The following SIVA1 variants were observed in gnomAD, a reference collection of about 807,000 sequenced individuals.
SIVA1 encodes apoptosis regulatory protein Siva.
A neutral mutation model predicts 19.7 loss-of-function variants in SIVA1; 10 were observed. That is an observed-to-expected ratio of 0.51 (90% CI 0.31 to 0.86). The LOEUF is 0.86. Ranked by LOEUF, SIVA1 falls within the 40% of genes least tolerant of loss-of-function variation. The probability of loss-of-function intolerance (pLI) is 0.04; values close to 1 mark genes in which losing one functional copy is unlikely to be tolerated. For missense variants in SIVA1, 241 were observed against 245.2 expected (o/e 0.98, Z 0.11); for synonymous variants, 130 against 106.1 (o/e 1.23, Z -1.39).
At position 104,753,283 on chromosome 14, in the gene SIVA1, G is replaced by A; in HGVS notation, c.82G>A (p.Gly28Ser). The change falls in exon 1 of 4, where the codon GGC (glycine) becomes AGC (serine). Residue 28 changes from glycine to serine, a missense_variant. Physicochemically the swap from Gly to Ser is moderately conservative, Grantham distance 56. Transcript: ENST00000329967. Reference sequence around the variant, plus strand: ...CGTGAGCCAGAGGGAGTTGAGCCGCGGCGTGTGCGCCGAGCGCTACTCGCA... The same window carrying A: ...CGTGAGCCAGAGGGAGTTGAGCCGCAGCGTGTGCGCCGAGCGCTACTCGCA... ...VRVSQRELSR[G>S]VCAERYSQEV... The A allele has an allele frequency of 2.5e-6, 4 of 1,601,362 alleles. No individual in the cohort carries two copies. The highest frequency in any genetic ancestry group is 1.7e-5 in the Admixed American group (1 of 59,132).
intron 1 of SIVA1, among the ~76,000 whole-genome samples, chr14:104,755,028 A>G (rs905652115): frequency 6.6e-6 from 1 of 152,164 alleles, no homozygotes; most frequent in Non-Finnish European, 1.5e-5. Flanking sequence ...ATGGAAAACC[A>G]CTGCTCCCAG....
rs1892009934 is a variant in SIVA1 at position 104,759,378 on chromosome 14, A to G, written c.471-50A>G. ...TGAATGGTGGGGGGTGGTGGACACA[A>G]TTCAGCCCCTGACAGCAGCTTTTCT... On this transcript the variant is annotated intron_variant, in intron 3 of 3. Coordinates refer to ENST00000329967, the MANE Select transcript of SIVA1 (RefSeq NM_006427.4). This position sits in a 1 kb window ranked among gnomAD's most constrained non-coding sequence, Gnocchi z 4.2. 1 of 1,542,830 alleles carries G rather than the reference A, an allele frequency of 6.5e-7. No individual in the cohort carries two copies. Among genetic ancestry groups the G allele is most frequent in the East Asian group, 2.3e-5 (1 of 43,390 alleles).
At chr14:104,754,846 GT>G (rs1891831732) in intron 1 of SIVA1, among the ~76,000 whole-genome samples, 1 of 152,198 alleles carries the variant, frequency 6.6e-6, no homozygotes, top group South Asian at 2.1e-4. Flanking sequence ...CTCCATGTGA[GT>G]TACCCTGTCA....
chr14:104,753,211 C>A lies in SIVA1; in HGVS notation c.10C>A (p.Arg4=), dbSNP rs1891762727. The change falls in exon 1 of 4, where the codon CGG becomes AGG. Residue 4 remains arginine, a synonymous_variant. Coordinates refer to ENST00000329967, the MANE Select transcript of SIVA1 (RefSeq NM_006427.4). ...TCCCGGCCCCGCGGCCATGCCCAAG[C>A]GGAGCTGCCCCTTCGCGGACGTGGC... MPK[R]SCPFADVAPL... The A allele has an allele frequency of 1.3e-6, 2 of 1,572,546 alleles. No individual in the cohort carries two copies. The highest frequency in any genetic ancestry group is 1.7e-6 in the Non-Finnish European group (2 of 1,162,130).
Position 104,753,292 on chromosome 14 carries a change from G to A in SIVA1, c.91G>A (p.Ala31Thr). 2.5e-6 allele frequency: 4 copies of A among 1,600,724 alleles called. No homozygotes were observed. The highest frequency in any genetic ancestry group is 3.4e-6 in the Non-Finnish European group (4 of 1,175,576). ...GAGGGAGTTGAGCCGCGGCGTGTGC[G>A]CCGAGCGCTACTCGCAGGAGGTCTT... The part of the protein sequence containing the change: ...SQRELSRGVC[A>T]ERYSQEVFEK... The change falls in exon 1 of 4, where the codon GCC becomes ACC. Residue 31 changes from alanine to threonine, a missense_variant. Ala to Thr is a moderately conservative substitution (Grantham distance 58). Coordinates refer to ENST00000329967, the MANE Select transcript of SIVA1 (RefSeq NM_006427.4).
intron 2 of SIVA1, 146 bp downstream of exon 2, chr14:104,755,970 C>T: frequency 1.3e-6 from 1 of 782,864 alleles, no homozygotes. Flanking sequence ...TCAGAAGGCT[C>T]CTGTTATCAG....
chr14:104,753,154 G>A lies in SIVA1; in HGVS notation c.-48G>A, dbSNP rs1334207506. 3.1e-6 allele frequency: 4 copies of A among 1,288,010 alleles called. No homozygotes were observed. The African/African-American group carries it at 4.6e-5, about 15-fold the overall frequency. 79.8% of individuals were successfully genotyped at this position (1,288,010 alleles called of 1,614,324 possible). ...CAGCTGTGACGTCACGGCGTCGTTG[G>A]TAAGGGGCTGGCGGCCGGGGAGCTG... On this transcript the variant is annotated 5_prime_UTR_variant, in exon 1 of 4. Transcript: ENST00000329967.
chr14:104,754,660 T>C (rs1326498204), intron 1 of SIVA1, among the ~76,000 whole-genome samples: 1 of 152,146 alleles, frequency 6.6e-6, no homozygotes, highest in Non-Finnish European at 1.5e-5. Flanking sequence ...TGTGACAGTT[T>C]CCAAATTCCA....
In SIVA1 at chr14:104,753,213, G is replaced by C. The variant is rs759984749; in HGVS notation, c.12G>C (p.Arg4=). 1.3e-6 allele frequency: 2 copies of C among 1,576,796 alleles called. No homozygotes were observed. The highest frequency in any genetic ancestry group is 8.6e-7 in the Non-Finnish European group (1 of 1,164,480). MPK[R]SCPFADVAPL... The stretch of plus-strand genomic sequence containing the variant: ...CCGGCCCCGCGGCCATGCCCAAGCG[G>C]AGCTGCCCCTTCGCGGACGTGGCCC... The change falls in exon 1 of 4, where the codon CGG becomes CGC. Residue 4 remains arginine (R), a synonymous_variant. Transcript: ENST00000329967.
intron 1 of SIVA1, chr14:104,753,787 C>T (rs965727550): frequency 4.4e-6 from 2 of 454,734 alleles, no homozygotes; most frequent in Non-Finnish European, 8.9e-6. Flanking sequence ...CTCGGGAGAC[C>T]AAAGGCAGGC....
rs1892011225 is a variant in SIVA1 at position 104,759,406 on chromosome 14, C to T, written c.471-22C>T. The T allele has an allele frequency of 6.2e-7, 1 of 1,610,198 alleles. No individual in the cohort carries two copies. The highest frequency in any genetic ancestry group is 8.5e-7 in the Non-Finnish European group (1 of 1,177,666). ...CAGCCCCTGACAGCAGCTTTTCTCT[C>T]CCCTCCCTGACGCTGTCGCAGCTGC... is the stretch of plus-strand genomic sequence containing the variant. On this transcript the variant is annotated intron_variant, in intron 3 of 3. Coordinates refer to ENST00000329967, the MANE Select transcript of SIVA1 (RefSeq NM_006427.4). This position sits in a 1 kb window ranked among gnomAD's most constrained non-coding sequence, Gnocchi z 4.2.
At chr14:104,754,116 C>T (rs1023519069) in intron 1 of SIVA1, among the ~76,000 whole-genome samples, 2 of 152,122 alleles carry the variant, frequency 1.3e-5, no homozygotes, top group African/African-American at 4.8e-5. Context: ...CTGGCTTTCT[C>T]CTGTGGATTT....
At chr14:104,753,631 T>C in intron 1 of SIVA1, 1 of 459,780 alleles carries the variant, frequency 2.2e-6, no homozygotes, top group South Asian at 2.1e-5. Flanking sequence ...GGCACCCGCC[T>C]GGTGCTTTCT....
chr14:104,756,907 G>A, intron 3 of SIVA1, 147 bp downstream of exon 3: 2 of 914,070 alleles, frequency 2.2e-6, no homozygotes, highest in Non-Finnish European at 3.2e-6. Flanking sequence ...GGGACATGGT[G>A]GCAATAGATG....
intron 3 of SIVA1, chr14:104,758,049 G>A (rs1227895383): frequency 6.6e-6 from 1 of 152,392 alleles, no homozygotes; most frequent in Non-Finnish European, 1.5e-5. Context: ...CAAGCCAGAA[G>A]TGGCATTCCC....
In SIVA1 at chr14:104,759,226, A is replaced by C. The variant is rs1892002766; in HGVS notation, c.471-202A>C. The stretch of plus-strand genomic sequence containing the variant: ...GTCCTTCTCTTCACGTAGTCTTTTT[A>C]GGACGCTGGTCGTGTTGCCTTAGGG... On this transcript the variant is annotated intron_variant, in intron 3 of 3. Coordinates refer to ENST00000329967, the MANE Select transcript of SIVA1 (RefSeq NM_006427.4). The surrounding 1 kb of genome is among the most constrained non-coding windows in gnomAD (Gnocchi z 4.2). 2.1e-6 allele frequency: 1 copy of C among 476,424 alleles called. No homozygotes were observed. Among genetic ancestry groups the C allele is most frequent in the African/African-American group, 2.0e-5 (1 of 50,268 alleles). 29.5% of individuals were successfully genotyped at this position (476,424 alleles called of 1,614,324 possible).
rs994298501 is a variant in SIVA1 at position 104,753,825 on chromosome 14, G to A, written c.118+506G>A. The A allele has an allele frequency of 8.4e-5, 38 of 452,500 alleles. No individual in the cohort carries two copies. In the Admixed American group the frequency reaches 9.0e-4, roughly 11 times the overall value. The allele number at this position is 452,500 out of a possible 1,614,324, so 28.0% of individuals were successfully genotyped here. On this transcript the variant is annotated intron_variant, in intron 1 of 3. Coordinates refer to ENST00000329967, the MANE Select transcript of SIVA1 (RefSeq NM_006427.4). ...GACAGATGTGCCCCGTCTCCCGGGA[G>A]CTCCCCAGCCTAGTTGGGGAGACCA... is the stretch of plus-strand genomic sequence containing the variant.
At chr14:104,755,574 G>A (rs1891856672) in intron 1 of SIVA1, 56 bp from the exon 2 acceptor site, 1 of 1,490,702 alleles carries the variant, frequency 6.7e-7, no homozygotes, top group Admixed American at 1.9e-5. Context: ...CAATGGCCAT[G>A]CAGGGGCTTC....
intron 3 of SIVA1, chr14:104,758,350 G>A (rs1234210534): frequency 2.6e-5 from 4 of 152,324 alleles, no homozygotes; most frequent in East Asian, 3.8e-4. Flanking sequence ...CAAGTGGCAA[G>A]CAGTTCTGGC....
Sources: gnomAD v4.1 joint callset for allele counts (sites outside exome capture counted in the v4.1 genomes callset) on GRCh38, gnomAD v4.1.1 for gene constraint, Gnocchi (gnomAD v3.1) non-coding constraint, MANE v1.5 for transcripts, NCBI Gene and HGNC (gene_info 2026-07-23, HGNC 2026-07-21) for gene names.